The following IQSEC3 variants were observed in gnomAD, a reference collection of about 807,000 sequenced individuals.
IQSEC3 encodes the protein IQ motif and Sec7 domain ArfGEF 3.
In IQSEC3, 50 loss-of-function variants were observed where a neutral mutation model predicts 105.4. That is an observed-to-expected ratio of 0.47 (90% CI 0.38 to 0.60). The LOEUF (loss-of-function observed/expected upper bound fraction) is 0.60. IQSEC3 is among the 20% of genes least tolerant of loss of function. The pLI is 0.00. For synonymous variants in IQSEC3, 708 were observed against 746.0 expected, an observed-to-expected ratio of 0.95 and a Z score of 0.83; for missense variants, 1,415 against 1,630.0, an observed-to-expected ratio of 0.87 and a Z score of 2.27.
rs569889025 is a variant in IQSEC3, at chr12:138,555, C to A, written c.1192C>A (p.Leu398Met). Residue 398 changes from leucine to methionine, a missense_variant, in exon 4 of 14, where the codon CTG (leucine) becomes ATG (methionine). Transcript: ENST00000538872. The surrounding 1 kb of genome is among the most constrained non-coding windows in gnomAD (Gnocchi z 7.1). ...PPTFAGTLTE[L>M]EDSFTEQVQS... ...CACCTTCGCAGGCACCCTCACCGAG[C>A]TGGAGGACTCCTTCACCGAGCAGGT... is the stretch of plus-strand genomic sequence containing the variant. The A allele has an allele frequency of 3.8e-5, 60 of 1,582,940 alleles. No individual in the cohort carries two copies. In the South Asian group the frequency reaches 6.4e-4, roughly 17 times the overall value.
At chr12:124,805 C>G (rs1231019552) in intron 2 of IQSEC3, among the ~76,000 whole-genome samples, 1 of 152,178 alleles carries the variant, frequency 6.6e-6, no homozygotes, top group East Asian at 1.9e-4. Flanking sequence ...TCTGAGGGAA[C>G]CAACTCTACA....
At chr12:96,125 G>T (rs1249921506) in intron 1 of IQSEC3, among the ~76,000 whole-genome samples, 1 of 152,204 alleles carries the variant, frequency 6.6e-6, no homozygotes, top group South Asian at 2.1e-4. Context: ...ATGTAAGTAA[G>T]AAAGTGAGAC....
At chr12:68,634 C>T (rs1202667907) in intron 1 of IQSEC3, among the ~76,000 whole-genome samples, 1 of 152,278 alleles carries the variant, frequency 6.6e-6, no homozygotes, top group Non-Finnish European at 1.5e-5. Context: ...CCCTGGTCAG[C>T]ACCTGACCTT....
At chr12:104,255 G>C (rs1051377278) in intron 2 of IQSEC3, among the ~76,000 whole-genome samples, 39 of 152,136 alleles carry the variant, frequency 2.6e-4, no homozygotes, top group Admixed American at 1.3e-4. Flanking sequence ...TCTGGAGCTG[G>C]ACAGTGAACC....
At chr12:105,144 C>A (rs1864601903) in intron 2 of IQSEC3, among the ~76,000 whole-genome samples, 1 of 152,258 alleles carries the variant, frequency 6.6e-6, no homozygotes, top group Non-Finnish European at 1.5e-5. Context: ...CCTGCCTGGC[C>A]CCAAGCTCTG....
intron 9 of IQSEC3, among the ~76,000 whole-genome samples, chr12:163,839 G>A (rs894596088): frequency 6.6e-6 from 1 of 152,218 alleles, no homozygotes; most frequent in Admixed American, 6.5e-5. Flanking sequence ...TCATGACACC[G>A]AGACGTCAGA....
At chr12:122,793 C>A (rs1027761081) in intron 2 of IQSEC3, among the ~76,000 whole-genome samples, 13 of 152,180 alleles carry the variant, frequency 8.5e-5, no homozygotes, top group African/African-American at 3.1e-4. Context: ...CACCTCTTGC[C>A]AAGCACATTC....
chr12:175,237 T>C lies in IQSEC3; in HGVS notation c.*204T>C, dbSNP rs1939203890. ...CTCAGCTGCACCCCCTCTGCAGATC[T>C]GAAGACACACCTCACTCTCCCAGGG... On this transcript the variant is annotated 3_prime_UTR_variant, in exon 14 of 14. Transcript: ENST00000538872. 2 of 549,852 alleles carry C rather than the reference T, an allele frequency of 3.6e-6. No individual in the cohort carries two copies. The highest frequency in any genetic ancestry group is 3.3e-5 in the Admixed American group (1 of 30,622). 34.1% of individuals were successfully genotyped at this position (549,852 alleles called of 1,614,324 possible).
intron 1 of IQSEC3, among the ~76,000 whole-genome samples, chr12:90,056 GTGCTCCGCACCCT>G (rs1264906787): frequency 6.6e-6 from 1 of 152,228 alleles, no homozygotes; most frequent in East Asian, 1.9e-4. Flanking sequence ...AGAGTTCCAG[GTGCTCCGCACCCT>G]TGTCAACACT....
chr12:132,599 G>C (rs1283033689), intron 3 of IQSEC3, among the ~76,000 whole-genome samples: 1 of 152,120 alleles, frequency 6.6e-6, no homozygotes, highest in African/African-American at 2.4e-5. Flanking sequence ...AAAAGGTATA[G>C]GGGTGGGGGG....
chr12:99,040 C>T (rs556159924), intron 1 of IQSEC3, 106 bp from the exon 2 acceptor site: 1 of 983,298 alleles, frequency 1.0e-6, no homozygotes, highest in East Asian at 2.6e-5. Flanking sequence ...CTCAAAAGGG[C>T]GGGGGTAGGA....
intron 2 of IQSEC3, among the ~76,000 whole-genome samples, chr12:107,566 T>TAC (rs1864709630): frequency 1.3e-5 from 2 of 151,806 alleles, no homozygotes; most frequent in Admixed American, 6.6e-5. Flanking sequence ...CCCGCCACCG[T>TAC]GCCCGGCTAA....
At chr12:122,240 G>C (rs1437144426) in intron 2 of IQSEC3, among the ~76,000 whole-genome samples, 2 of 152,136 alleles carry the variant, frequency 1.3e-5, no homozygotes. Context: ...GGCCTTGATA[G>C]GCCGGCCTCT....
chr12:175,116 G>T lies in IQSEC3; in HGVS notation c.*83G>T. On this transcript the variant is annotated 3_prime_UTR_variant, in exon 14 of 14. Transcript: ENST00000538872. ...CCCCTCCACTGCTCCCCATACCCTGGCACGATGCGTTCCTGGTCACTGATC... is the reference window on the plus strand; with the variant it reads ...CCCCTCCACTGCTCCCCATACCCTGTCACGATGCGTTCCTGGTCACTGATC... 2 of 1,066,486 alleles carry T rather than the reference G, an allele frequency of 1.9e-6. No homozygotes were observed. Among genetic ancestry groups the T allele is most frequent in the Admixed American group, 2.9e-5 (1 of 34,884 alleles). The allele number at this position is 1,066,486 out of a possible 1,614,324, so 66.1% of individuals were successfully genotyped here. A position where few individuals can be genotyped will look rare whatever the true frequency, so the allele number is the denominator to read the frequency against.
At chr12:68,394 C>G (rs1863181606) in intron 1 of IQSEC3, among the ~76,000 whole-genome samples, 1 of 152,196 alleles carries the variant, frequency 6.6e-6, no homozygotes, top group Non-Finnish European at 1.5e-5. Context: ...ATCTGGTGAT[C>G]ACTGAAATCT....
At chr12:69,560 T>C (rs1863229497) in intron 1 of IQSEC3, among the ~76,000 whole-genome samples, 1 of 152,280 alleles carries the variant, frequency 6.6e-6, no homozygotes, top group Admixed American at 6.5e-5. Context: ...TTAACAGTAA[T>C]GCCTTACTTT....
chr12:151,206 C>T (rs4980852), intron 5 of IQSEC3, among the ~76,000 whole-genome samples: 708 of 43,960 alleles, frequency 0.016, 9 homozygotes, highest in Non-Finnish European at 0.03. Flanking sequence ...AGGGGAGGCA[C>T]GGTAGCTATC....
chr12:173,688 G>T (rs1939125431), intron 13 of IQSEC3, among the ~76,000 whole-genome samples: 1 of 152,200 alleles, frequency 6.6e-6, no homozygotes, highest in Non-Finnish European at 1.5e-5. Flanking sequence ...GGGTTGGGTG[G>T]TGTCATAGCC....
At chr12:112,304 G>A (rs1312039255) in intron 2 of IQSEC3, among the ~76,000 whole-genome samples, 1 of 144,204 alleles carries the variant, frequency 6.9e-6, no homozygotes, top group African/African-American at 2.6e-5. Flanking sequence ...GTGGGGGGAA[G>A]GGGGATGGTG....
Sources: allele counts gnomAD v4.1 joint callset (sites outside exome capture counted in the v4.1 genomes callset), GRCh38; gene constraint gnomAD v4.1.1; non-coding constraint Gnocchi (gnomAD v3.1); transcripts MANE v1.5; gene names NCBI Gene and HGNC (gene_info 2026-07-23, HGNC 2026-07-21).